SNX24: variants seen among roughly 807,000 people sequenced by gnomAD.
SNX24 encodes the protein sorting nexin-24.
Under a neutral mutation model 28.7 loss-of-function variants are expected in SNX24, and 22 were observed. The ratio of observed to expected loss-of-function variants is 0.77; its 90% CI spans 0.55 to 1.10. The LOEUF (loss-of-function observed/expected upper bound fraction) is 1.10. Among genes scored for constraint, SNX24 ranks in the 50% least tolerant of loss-of-function variants. The probability of loss-of-function intolerance (pLI) is 0.00; values close to 1 mark genes in which losing one functional copy is unlikely to be tolerated. For synonymous variants in SNX24, 69 were observed against 71.5 expected (o/e 0.96, Z 0.18); for missense variants, 221 against 201.1 (o/e 1.10, Z -0.60).
At chr5:122,986,874 T>TGGATGGAG (rs1481039027) in intron 3 of SNX24, among the ~76,000 whole-genome samples, 16 of 151,108 alleles carry the variant, frequency 1.1e-4, no homozygotes, top group Middle Eastern at 3.4e-3. Flanking sequence ...GATGGATGGA[T>TGGATGGAG]GGATGGAGGG....
chr5:122,959,725 T>C (rs1031469131), intron 3 of SNX24, among the ~76,000 whole-genome samples: 1 of 152,154 alleles, frequency 6.6e-6, no homozygotes, highest in Non-Finnish European at 1.5e-5. Context: ...GTTACACACC[T>C]GTAAAGGAAC....
chr5:122,933,845 C>G (rs1178344527), intron 1 of SNX24, among the ~76,000 whole-genome samples: 2 of 150,760 alleles, frequency 1.3e-5, no homozygotes, highest in African/African-American at 2.4e-5. Context: ...TTTTTTTCCA[C>G]GATCTCTGCT....
At chr5:122,914,387 G>A (rs1355778710) in intron 1 of SNX24, among the ~76,000 whole-genome samples, 1 of 152,144 alleles carries the variant, frequency 6.6e-6, no homozygotes, top group East Asian at 1.9e-4. Flanking sequence ...TCAGGCTTTG[G>A]TATCAGGATG....
At chr5:122,892,259 T>G (rs975648697) in intron 1 of SNX24, among the ~76,000 whole-genome samples, 8 of 151,920 alleles carry the variant, frequency 5.3e-5, no homozygotes, top group African/African-American at 1.9e-4. Flanking sequence ...TTTATTTATA[T>G]TTTTTAGTTG....
intron 3 of SNX24, chr5:122,983,003 T>G (rs905845976): frequency 6.6e-6 from 1 of 152,166 alleles, no homozygotes; most frequent in African/African-American, 2.4e-5. Context: ...GTTATTGATC[T>G]GCTTCTCCAA....
chr5:122,981,631 C>T (rs1371452807), intron 3 of SNX24, among the ~76,000 whole-genome samples: 1 of 152,122 alleles, frequency 6.6e-6, no homozygotes, highest in African/African-American at 2.4e-5. Context: ...CCATTATAAA[C>T]TTGAGATTTA....
intron 1 of SNX24, among the ~76,000 whole-genome samples, chr5:122,911,960 T>C (rs1366147615): frequency 1.4e-5 from 2 of 144,928 alleles, no homozygotes; most frequent in African/African-American, 2.6e-5. Context: ...CGGGCTCTTT[T>C]TTGGTTCCAT....
intron 3 of SNX24, among the ~76,000 whole-genome samples, chr5:122,993,769 C>A (rs1325720479): frequency 6.6e-6 from 1 of 152,208 alleles, no homozygotes; most frequent in Non-Finnish European, 1.5e-5. Context: ...CCATTTACTG[C>A]AGTGAGGAGG....
Position 122,884,691 on chromosome 5 carries a change from G to A in SNX24, c.60+38998G>A, listed in dbSNP as rs143357056. Among the ~76,000 whole-genome samples the A allele has an allele frequency of 6.6e-5, 10 of 152,242 alleles. No individual in the cohort carries two copies. The East Asian group carries it at 1.9e-3, about 29-fold the overall frequency. Reference sequence around the variant, plus strand: ...AGAGACTGTAAGGTGTGTCAGGTAGGGATTAGGAGAAAGGTTCTGACAGAC... The same window carrying A: ...AGAGACTGTAAGGTGTGTCAGGTAGAGATTAGGAGAAAGGTTCTGACAGAC... On this transcript the variant is annotated intron_variant, in intron 1 of 6. Transcript: ENST00000261369.
intron 3 of SNX24, chr5:122,983,166 A>C (rs1336471608): frequency 6.7e-6 from 1 of 150,214 alleles, no homozygotes; most frequent in Non-Finnish European, 1.5e-5. Context: ...GAAGTAAATG[A>C]GACATATTCT....
intron 3 of SNX24, among the ~76,000 whole-genome samples, chr5:122,970,199 C>T (rs965033691): frequency 6.7e-6 from 1 of 149,386 alleles, no homozygotes; most frequent in African/African-American, 2.5e-5. Context: ...TTCATGATAT[C>T]TAGTTGCCTA....
intron 1 of SNX24, among the ~76,000 whole-genome samples, chr5:122,918,795 C>G (rs1265924192): frequency 3.9e-5 from 6 of 152,100 alleles, no homozygotes; most frequent in Admixed American, 3.9e-4. Context: ...CAGAATGTGG[C>G]CTTTATGAAA....
chr5:122,920,936 G>C (rs1758405744), intron 1 of SNX24, among the ~76,000 whole-genome samples: 1 of 152,078 alleles, frequency 6.6e-6, no homozygotes. Context: ...ATGCTGCACA[G>C]GCTAGTCTCA....
chr5:122,917,179 C>T (rs1339404442), intron 1 of SNX24, among the ~76,000 whole-genome samples: 2 of 151,678 alleles, frequency 1.3e-5, no homozygotes, highest in Non-Finnish European at 2.9e-5. Context: ...ACAGCTTGAA[C>T]CCGGGAGGTG....
chr5:122,992,378 A>C lies in SNX24; in HGVS notation c.250-7534A>C, dbSNP rs866986662. 6.6e-4 allele frequency among the ~76,000 whole-genome samples: 101 copies of C among 152,180 alleles called. 2 individuals carry two copies. The highest frequency in any genetic ancestry group is 2.4e-3 in the African/African-American group (99 of 41,442). On this transcript the variant is annotated intron_variant, in intron 3 of 6. Coordinates refer to ENST00000261369, the MANE Select transcript of SNX24 (RefSeq NM_014035.4). ...CAATGACTCCCAAGTCTACAGAGAA[A>C]AGAAAAAAATCCTTCACATGATCCA...
chr5:122,997,904 G>A (rs1217485710), intron 3 of SNX24, among the ~76,000 whole-genome samples: 1 of 151,928 alleles, frequency 6.6e-6, no homozygotes, highest in Non-Finnish European at 1.5e-5. Flanking sequence ...ATTCAAATAA[G>A]TATTGTATCA....
intron 3 of SNX24, among the ~76,000 whole-genome samples, chr5:122,960,757 G>T (rs1344371687): frequency 2.0e-5 from 3 of 152,008 alleles, no homozygotes; most frequent in South Asian, 2.1e-4. Flanking sequence ...CAGAGAAGGG[G>T]TTCCCTCTTG....
chr5:122,982,066 A>G (rs1724159303), intron 3 of SNX24, among the ~76,000 whole-genome samples: 1 of 152,214 alleles, frequency 6.6e-6, no homozygotes, highest in African/African-American at 2.4e-5. Flanking sequence ...TGGCACACAC[A>G]TTTGTTTTCC....
At chr5:123,009,488 T>C (rs1304887209), downstream of SNX24, among the ~76,000 whole-genome samples, 1 of 152,194 alleles carries the variant, frequency 6.6e-6, no homozygotes, top group Non-Finnish European at 1.5e-5. Context: ...GAGAATTAAG[T>C]TTTTTCTTAG....
Sources: gnomAD v4.1 joint callset for allele counts (sites outside exome capture counted in the v4.1 genomes callset) on GRCh38, gnomAD v4.1.1 for gene constraint, MANE v1.5 for transcripts, NCBI Gene and HGNC (gene_info 2026-07-23, HGNC 2026-07-21) for gene names.